The following IFT122 variants were observed in gnomAD, a reference collection of about 807,000 sequenced individuals.
IFT122 encodes intraflagellar transport protein 122 homolog.
In IFT122, 118 loss-of-function variants were observed where a neutral mutation model predicts 161.6. The ratio of observed to expected loss-of-function variants is 0.73; its 90% CI spans 0.63 to 0.85. The LOEUF (loss-of-function observed/expected upper bound fraction) is 0.85, where lower values mean the gene tolerates loss of function less well. Among genes scored for constraint, IFT122 ranks in the 40% least tolerant of loss-of-function variants. The pLI is 0.00. For missense variants in IFT122, 1,381 were observed against 1,579.6 expected (o/e 0.87, Z 2.13); for synonymous variants, 550 against 602.4 (o/e 0.91, Z 1.27).
At chr3:129,519,832 A>C (rs2084527262) in intron 29 of IFT122, 100 bp downstream of exon 29, 7 of 1,379,126 alleles carry the variant, frequency 5.1e-6, no homozygotes, top group Non-Finnish European at 7.1e-6. Context: ...GGAGGGGCAC[A>C]TCCATGGCTC....
intron 8 of IFT122, among the ~76,000 whole-genome samples, chr3:129,467,718 G>A (rs1316126518): frequency 6.6e-6 from 1 of 152,154 alleles, no homozygotes; most frequent in African/African-American, 2.4e-5. Flanking sequence ...GCCAGAGTGG[G>A]GAAAGCTGGG....
chr3:129,502,846 G>A lies in IFT122; in HGVS notation c.2511G>A (p.Leu837=). ...TYLKMGDLKS[L]VQLHVETQRW... ...TGAAGATGGGTGACCTCAAGTCCCTGGTGCAGCTGCACGTGGAGACCCAGC... is the reference window on the plus strand; with the variant it reads ...TGAAGATGGGTGACCTCAAGTCCCTAGTGCAGCTGCACGTGGAGACCCAGC... Residue 837 remains leucine, a synonymous_variant, in exon 20 of 30, where the codon CTG becomes CTA. Transcript: ENST00000348417. 1.2e-6 allele frequency: 2 copies of A among 1,612,488 alleles called. No homozygotes were observed. The highest frequency in any genetic ancestry group is 1.7e-6 in the Non-Finnish European group (2 of 1,180,022).
At chr3:129,451,372 T>G (rs2074828253) in intron 2 of IFT122, among the ~76,000 whole-genome samples, 1 of 152,088 alleles carries the variant, frequency 6.6e-6, no homozygotes, top group South Asian at 2.1e-4. Flanking sequence ...ATCCTCCCAC[T>G]TCAGCCTCCC....
intron 6 of IFT122, among the ~76,000 whole-genome samples, 188 bp downstream of exon 6, chr3:129,463,814 G>A (rs1269785873): frequency 6.6e-6 from 1 of 152,202 alleles, no homozygotes; most frequent in Non-Finnish European, 1.5e-5. Flanking sequence ...TGAAGCAAAA[G>A]AGAACTACAA....
At chr3:129,509,902 T>A (rs2108609959) in intron 23 of IFT122, among the ~76,000 whole-genome samples, 1 of 152,318 alleles carries the variant, frequency 6.6e-6, no homozygotes, top group Non-Finnish European at 1.5e-5. Context: ...AAAATAGGGA[T>A]AACAGCACTA....
intron 14 of IFT122, 96 bp from the exon 15 acceptor site, chr3:129,483,389 G>A (rs2078900830): frequency 9.9e-7 from 1 of 1,010,930 alleles, no homozygotes; most frequent in Admixed American, 1.7e-5. Context: ...CAATTTAGTG[G>A]GATTCAGTCT....
chr3:129,472,758 T>C (rs1460551887), intron 9 of IFT122, among the ~76,000 whole-genome samples: 1 of 152,204 alleles, frequency 6.6e-6, no homozygotes, highest in Non-Finnish European at 1.5e-5. Context: ...GGCCCTGTTA[T>C]TATTTTTTTA....
chr3:129,516,027 A>G (rs2083457050), intron 26 of IFT122, among the ~76,000 whole-genome samples: 1 of 151,256 alleles, frequency 6.6e-6, no homozygotes, highest in Non-Finnish European at 1.5e-5. Flanking sequence ...CCCTGCACAC[A>G]CACACATACA....
In IFT122 at chr3:129,483,458, A is replaced by T. The variant is rs749242480; in HGVS notation, c.1654-27A>T. 8.1e-6 allele frequency: 13 copies of T among 1,608,788 alleles called. No individual in the cohort carries two copies. In the African/African-American group the frequency reaches 1.7e-4, roughly 22 times the overall value. On this transcript the variant is annotated intron_variant, in intron 14 of 29. Transcript: ENST00000348417. ...TGACCAAGCCCAGGGTGGTTCTCAC[A>T]GGATCCCCACTGTCCCTGTTCCCCA...
In IFT122 at chr3:129,502,772, A is replaced by G. The variant is rs565504126; in HGVS notation, c.2437A>G (p.Thr813Ala). 72 of 1,612,770 alleles carry G rather than the reference A, an allele frequency of 4.5e-5. No individual in the cohort carries two copies. The Admixed American group carries it at 4.7e-4, about 10-fold the overall frequency. ...AEREPLLLCA[T>A]YLKKLDSPGY... is the part of the protein sequence containing the mutation. ...GCGCGAGCCCCTGCTGCTGTGCGCTACCTACCTCAAGAAGCTGGACAGCCC... is the reference window on the plus strand; with the variant it reads ...GCGCGAGCCCCTGCTGCTGTGCGCTGCCTACCTCAAGAAGCTGGACAGCCC... Residue 813 changes from threonine to alanine, a missense_variant, in exon 20 of 30, where the codon ACC (threonine) becomes GCC (alanine). This residue lies in a region of IFT122 where 496 missense variants were observed against 502.5 expected (regional missense o/e 0.99). Transcript: ENST00000348417.
At chr3:129,453,416 G>A (rs2075090040) in intron 3 of IFT122, among the ~76,000 whole-genome samples, 1 of 152,164 alleles carries the variant, frequency 6.6e-6, no homozygotes, top group Non-Finnish European at 1.5e-5. Context: ...ACAGCGAGTG[G>A]ACCCAGGAGG....
intron 16 of IFT122, among the ~76,000 whole-genome samples, chr3:129,491,728 G>T (rs1329713716): frequency 6.6e-6 from 1 of 152,138 alleles, no homozygotes; most frequent in Non-Finnish European, 1.5e-5. Context: ...TTCTACCCAT[G>T]TTGCCAAGAT....
chr3:129,460,874 C>T, intron 4 of IFT122: 1 of 1,613,988 alleles, frequency 6.2e-7, no homozygotes, highest in Non-Finnish European at 8.5e-7. Flanking sequence ...GTGATGTCTT[C>T]ATTGCACCTC....
In IFT122 at chr3:129,451,914, G is replaced by T. The variant is rs1427406120; in HGVS notation, c.109G>T (p.Val37Phe). Reference protein sequence around the residue: ...LILAAGSRLLVYDTSDGTLLQ... With the variant: ...LILAAGSRLLFYDTSDGTLLQ... ...AATCTGTATTTGTCTCTTTTGCCAG[G>T]TTTATGACACCTCTGATGGCACCTT... Residue 37 changes from valine to phenylalanine, a missense_variant and splice_region_variant, in exon 3 of 30, where the codon GTT (valine) becomes TTT (phenylalanine). Physicochemically the swap from Val to Phe is conservative, Grantham distance 50 (BLOSUM62 -1). This residue lies in a region of IFT122 where 134 missense variants were observed against 137.4 expected (regional missense o/e 0.98). Coordinates refer to ENST00000348417, the MANE Select transcript of IFT122 (RefSeq NM_052989.3). 2.5e-6 allele frequency: 4 copies of T among 1,613,030 alleles called. No individual in the cohort carries two copies. The South Asian group carries it at 4.4e-5, about 18-fold the overall frequency.
chr3:129,501,911 T>C (rs2081603172), intron 19 of IFT122, among the ~76,000 whole-genome samples: 1 of 152,224 alleles, frequency 6.6e-6, no homozygotes, highest in African/African-American at 2.4e-5. Flanking sequence ...TCGTTACAGC[T>C]GCTTCTCCTT....
intron 7 of IFT122, among the ~76,000 whole-genome samples, chr3:129,466,495 CTTTTTTTTTT>C (rs527470540): frequency 6.9e-5 from 7 of 102,184 alleles, no homozygotes; most frequent in South Asian, 5.8e-4. Context: ...TATTTTTATT[CTTTTTTTTTT>C]TTTTTTTTTT....
At chr3:129,448,697 ATTTT>A (rs112077688) in intron 1 of IFT122, among the ~76,000 whole-genome samples, 1 of 145,960 alleles carries the variant, frequency 6.9e-6, no homozygotes, top group African/African-American at 2.5e-5. Flanking sequence ...TTATTTATTT[ATTTT>A]TTTTTTTTGA....
chr3:129,449,161 G>A (rs989925255), intron 1 of IFT122, among the ~76,000 whole-genome samples: 2 of 152,162 alleles, frequency 1.3e-5, no homozygotes, highest in African/African-American at 2.4e-5. Flanking sequence ...GTATCACTGC[G>A]TCTTCCTCCT....
intron 19 of IFT122, 44 bp downstream of exon 19, chr3:129,500,112 A>G: frequency 6.2e-7 from 1 of 1,603,906 alleles, no homozygotes; most frequent in South Asian, 1.1e-5. Context: ...GCAGCATGTC[A>G]TCACATGTCA....
Sources: allele counts gnomAD v4.1 joint callset (sites outside exome capture counted in the v4.1 genomes callset), GRCh38; gene constraint gnomAD v4.1.1; regional missense constraint gnomAD v4.1.1; transcripts MANE v1.5; gene names NCBI Gene and HGNC (gene_info 2026-07-23, HGNC 2026-07-21).